The following PACS2 variants were observed in gnomAD, a reference collection of about 807,000 sequenced individuals.
PACS2 encodes the protein PACS1-like protein.
In PACS2, 36 loss-of-function variants were observed where a neutral mutation model predicts 113.0. That is an observed-to-expected ratio of 0.32 (90% CI 0.24 to 0.42). The LOEUF is 0.42. PACS2 is among the 10% of genes least tolerant of loss of function. The pLI, the probability that PACS2 is intolerant of heterozygous loss-of-function variation, is 1.00. For synonymous variants in PACS2, 589 were observed against 536.1 expected, an observed-to-expected ratio of 1.10 and a Z score of -1.36; for missense variants, 1,015 against 1,239.5, an observed-to-expected ratio of 0.82 and a Z score of 2.72.
At chr14:105,367,918 G>A (rs934479697) in intron 5 of PACS2, among the ~76,000 whole-genome samples, 156 bp from the exon 6 acceptor site, 1 of 152,182 alleles carries the variant, frequency 6.6e-6, no homozygotes, top group Non-Finnish European at 1.5e-5. Flanking sequence ...TCGGGGGCTC[G>A]GGGCCACGGC....
At chr14:105,341,073 G>A (rs1555401480) in intron 1 of PACS2, among the ~76,000 whole-genome samples, 1 of 152,264 alleles carries the variant, frequency 6.6e-6, no homozygotes, top group African/African-American at 2.4e-5. Context: ...TGCAGTGCCT[G>A]CAGAGGGGAA....
chr14:105,391,402 C>A, intron 21 of PACS2, 153 bp downstream of exon 21: 1 of 691,726 alleles, frequency 1.4e-6, no homozygotes, highest in Non-Finnish European at 2.5e-6. Flanking sequence ...GCGGGGGGTT[C>A]ATCCTCCAAG....
At chr14:105,353,647 A>T (rs761497598) in intron 3 of PACS2, among the ~76,000 whole-genome samples, 1 of 151,960 alleles carries the variant, frequency 6.6e-6, no homozygotes, top group Non-Finnish European at 1.5e-5. Flanking sequence ...CTTGTCACCC[A>T]GGCTGGTGCA....
At chr14:105,334,312 G>A (rs1275219904) in intron 1 of PACS2, among the ~76,000 whole-genome samples, 2 of 152,252 alleles carry the variant, frequency 1.3e-5, no homozygotes, top group Admixed American at 6.5e-5. Flanking sequence ...CCAGGGCAGC[G>A]TGGCCAGGAG....
At chr14:105,318,016 G>GTGTC (rs1227225957) in intron 1 of PACS2, among the ~76,000 whole-genome samples, 1 of 152,226 alleles carries the variant, frequency 6.6e-6, no homozygotes, top group East Asian at 1.9e-4. Context: ...GGTTCCCAGA[G>GTGTC]TGTCCTCCTG....
chr14:105,396,732 A>T lies in PACS2; in HGVS notation c.*2060A>T, dbSNP rs2081541368. 1 of 151,682 alleles carries T rather than the reference A, an allele frequency of 6.6e-6. No individual in the cohort carries two copies. The highest frequency in any genetic ancestry group is 2.4e-5 in the African/African-American group (1 of 41,236). The allele number at this position is 151,682 out of a possible 1,614,324, so 9.4% of individuals were successfully genotyped here. A position where few individuals can be genotyped will look rare whatever the true frequency, so the allele number is the denominator to read the frequency against. Reference sequence around the variant, plus strand: ...TGGCCAGGCTGGTCTTGAACTCCTGACCTCAAGTGATCCACCCGCCTCGGC... The same window carrying T: ...TGGCCAGGCTGGTCTTGAACTCCTGTCCTCAAGTGATCCACCCGCCTCGGC... On this transcript the variant is annotated 3_prime_UTR_variant, in exon 25 of 25. Transcript: ENST00000447393.
At chr14:105,390,365 C>G in intron 20 of PACS2, 1 of 321,210 alleles carries the variant, frequency 3.1e-6, no homozygotes, top group Non-Finnish European at 6.1e-6. Flanking sequence ...GCCCAAGGCC[C>G]CGGGAGCTTC....
intron 2 of PACS2, among the ~76,000 whole-genome samples, chr14:105,350,299 A>G (rs1410921182): frequency 6.6e-6 from 1 of 152,162 alleles, no homozygotes; most frequent in African/African-American, 2.4e-5. Context: ...GCATGAAGGC[A>G]AGAGTCGACC....
intron 1 of PACS2, among the ~76,000 whole-genome samples, chr14:105,332,656 G>A (rs916455697): frequency 2.6e-5 from 4 of 152,188 alleles, no homozygotes; most frequent in African/African-American, 9.7e-5. Context: ...GCACTGCATG[G>A]CTTCTCTGCG....
chr14:105,391,466 CGAG>C (rs2081353157), intron 21 of PACS2, 162 bp from the exon 22 acceptor site: 1 of 703,446 alleles, frequency 1.4e-6, no homozygotes, highest in Non-Finnish European at 2.3e-6. Context: ...TTCCAAAAAC[CGAG>C]GAGAATCCGA....
chr14:105,301,248 C>T (rs1201528249), intron 1 of PACS2: 3 of 148,692 alleles, frequency 2.0e-5, no homozygotes, highest in Non-Finnish European at 4.4e-5. Flanking sequence ...GGGTCCTCCT[C>T]GGATAGTGAG....
rs374912594 is a variant in PACS2, at chr14:105,384,828, G to A, written c.1892-51G>A. The A allele has an allele frequency of 5.4e-4, 678 of 1,245,256 alleles. 3 individuals carry two copies. The African/African-American group carries it at 9.0e-3, about 17-fold the overall frequency. The allele number at this position is 1,245,256 out of a possible 1,614,324, so 77.1% of individuals were successfully genotyped here. On this transcript the variant is annotated intron_variant, in intron 17 of 24. Coordinates refer to ENST00000447393, the MANE Select transcript of PACS2 (RefSeq NM_001100913.3). ...GGGGAGGCCCAGCTTAGCCCCGCCT[G>A]CAACCCCACCTGGCACCAGCCTAAC...
intron 6 of PACS2, 74 bp downstream of exon 6, chr14:105,368,221 A>G: frequency 1.8e-6 from 2 of 1,101,450 alleles, no homozygotes; most frequent in East Asian, 2.4e-5. Flanking sequence ...GGTCCTCACC[A>G]GCTGTCACCA....
intron 1 of PACS2, among the ~76,000 whole-genome samples, chr14:105,334,819 G>T (rs1028595235): frequency 1.4e-5 from 2 of 147,914 alleles, no homozygotes; most frequent in African/African-American, 2.7e-5. Context: ...CGTGCACTGC[G>T]GGGGGGAGCT....
chr14:105,365,899 C>T lies in PACS2; in HGVS notation c.424-1314C>T, dbSNP rs184176076. Among the ~76,000 whole-genome samples, 3 of 152,348 alleles carry T rather than the reference C, an allele frequency of 2.0e-5. No homozygotes were observed. The highest frequency in any genetic ancestry group is 2.9e-5 in the Non-Finnish European group (2 of 68,038). ...CGTGTGCCCCGGCGAGTTGTGGGCA[C>T]GAGGGCGTCAGCAGTGGGTGCGAGT... On this transcript the variant is annotated intron_variant, in intron 4 of 24. Transcript: ENST00000447393. This position sits in a 1 kb window ranked among gnomAD's most constrained non-coding sequence, Gnocchi z 5.1.
chr14:105,375,332 G>A (rs1379617190), intron 8 of PACS2, among the ~76,000 whole-genome samples: 7 of 152,006 alleles, frequency 4.6e-5, no homozygotes, highest in Admixed American at 3.9e-4. Context: ...ACAAAAAGTA[G>A]CCGGGCGTGG....
At chr14:105,314,111 A>C (rs2058438290), upstream of PACS2, among the ~76,000 whole-genome samples, 1 of 152,106 alleles carries the variant, frequency 6.6e-6, no homozygotes, top group Non-Finnish European at 1.5e-5. Context: ...AGTGGCTTCG[A>C]GTCCCCGCGA....
intron 1 of PACS2, among the ~76,000 whole-genome samples, chr14:105,347,292 C>G (rs2059976341): frequency 6.6e-6 from 1 of 152,000 alleles, no homozygotes; most frequent in African/African-American, 2.4e-5. Context: ...CATACACAGG[C>G]TGTACCCATC....
rs2080786733 is a variant in PACS2, at chr14:105,376,586, G to A, written c.802-182G>A. 6.6e-6 allele frequency among the ~76,000 whole-genome samples: 1 copy of A among 152,154 alleles called. No individual in the cohort carries two copies. Among genetic ancestry groups the A allele is most frequent in the Non-Finnish European group, 1.5e-5 (1 of 68,008 alleles). ...ACACGCACCGGTACCTGGGGACCGG[G>A]GGTCCTCGGTGATCATCCCGAGCTC... On this transcript the variant is annotated intron_variant, in intron 8 of 24. Transcript: ENST00000447393. This position sits in a 1 kb window ranked among gnomAD's most constrained non-coding sequence, Gnocchi z 4.7.
Sources: gnomAD v4.1 joint callset for allele counts (sites outside exome capture counted in the v4.1 genomes callset) on GRCh38, gnomAD v4.1.1 for gene constraint, Gnocchi (gnomAD v3.1) non-coding constraint, MANE v1.5 for transcripts, NCBI Gene and HGNC (gene_info 2026-07-23, HGNC 2026-07-21) for gene names.